HCN1: variants seen among roughly 807,000 people sequenced by gnomAD.
HCN1 encodes hyperpolarization activated cyclic nucleotide gated potassium channel 1, also known as potassium/sodium hyperpolarization-activated cyclic nucleotide-gated channel 1.
HCN1 carries 13 observed loss-of-function variants against 78.9 expected under a neutral mutation model. The observed-to-expected ratio is 0.16, with a 90% CI of 0.11 to 0.26. The LOEUF is 0.26. HCN1 is among the 10% of genes least tolerant of loss of function. The pLI is 1.00. For synonymous variants in HCN1, 552 were observed against 455.5 expected (o/e 1.21, Z -2.70); for missense variants, 810 against 1,154.3 (o/e 0.70, Z 4.32).
chr5:45,643,979 T>C (rs1745501348), intron 2 of HCN1: 1 of 152,140 alleles, frequency 6.6e-6, no homozygotes, highest in African/African-American at 2.4e-5. Flanking sequence ...ATATATCCCA[T>C]ATCTATATTT....
At chr5:45,640,785 G>A (rs1431136456) in intron 2 of HCN1, among the ~76,000 whole-genome samples, 1 of 151,022 alleles carries the variant, frequency 6.6e-6, no homozygotes, top group Non-Finnish European at 1.5e-5. Context: ...ATGTTGGCCA[G>A]GCTGGTCTCG....
intron 1 of HCN1, among the ~76,000 whole-genome samples, chr5:45,647,458 C>T (rs1321622999): frequency 6.6e-6 from 1 of 152,112 alleles, no homozygotes; most frequent in East Asian, 1.9e-4. Context: ...TCTCTCTGCC[C>T]TCCCCTTCAA....
chr5:45,484,143 A>G (rs1741712186), intron 2 of HCN1, among the ~76,000 whole-genome samples: 1 of 152,152 alleles, frequency 6.6e-6, no homozygotes, highest in African/African-American at 2.4e-5. Context: ...TAAAGACTCT[A>G]AAAACTTGGC....
At chr5:45,672,408 T>A (rs1746168298) in intron 1 of HCN1, among the ~76,000 whole-genome samples, 1 of 151,496 alleles carries the variant, frequency 6.6e-6, no homozygotes, top group South Asian at 2.1e-4. Context: ...GACAGAAGGA[T>A]GTTTTCAGAT....
At chr5:45,481,753 A>G (rs944839619) in intron 2 of HCN1, among the ~76,000 whole-genome samples, 1 of 152,046 alleles carries the variant, frequency 6.6e-6, no homozygotes, top group Non-Finnish European at 1.5e-5. Context: ...TCCCTTTTGT[A>G]ATCTTTTTCT....
intron 1 of HCN1, among the ~76,000 whole-genome samples, chr5:45,693,555 T>C (rs1739953561): frequency 6.6e-6 from 1 of 152,154 alleles, no homozygotes; most frequent in Non-Finnish European, 1.5e-5. Context: ...ATAATAAAAT[T>C]AAATCATCAC....
intron 2 of HCN1, among the ~76,000 whole-genome samples, chr5:45,583,132 T>C (rs1744121762): frequency 6.6e-6 from 1 of 152,178 alleles, no homozygotes; most frequent in South Asian, 2.1e-4. Flanking sequence ...CTGGTAGAAT[T>C]TGGCTGTGAA....
Position 45,695,656 on chromosome 5 carries a change from C to CGG in HCN1, c.425+11_425+12dup. 1 of 1,610,192 alleles carries CGG rather than the reference C, an allele frequency of 6.2e-7. No homozygotes were observed. The stretch of plus-strand genomic sequence containing the variant: ...CCTGAAGGGAGGGTGGGGCGGCGAC[C>CGG]GGGAGCCCTCACCTGAAATCACTGT... On this transcript the variant is annotated intron_variant, in intron 1 of 7. Coordinates refer to ENST00000303230, the MANE Select transcript of HCN1 (RefSeq NM_021072.4).
At chr5:45,423,742 A>T (rs1000706311) in intron 3 of HCN1, among the ~76,000 whole-genome samples, 7 of 152,208 alleles carry the variant, frequency 4.6e-5, no homozygotes, top group African/African-American at 1.7e-4. Context: ...GACTTCTCGC[A>T]GTGCCTACCT....
In HCN1 at chr5:45,695,870, T is replaced by TCGC. The variant is rs747975797; in HGVS notation, c.221_223dup (p.Gly74dup). ...GTCTTCGAAGCCCCCCGCCGGCTCC[T>TCGC]CGCCGCCGCCGCCGCCGCCGCCACC... On this transcript the variant is annotated inframe_insertion, in exon 1 of 8. Transcript: ENST00000303230. 348 of 1,563,444 alleles carry TCGC rather than the reference T, an allele frequency of 2.2e-4. No individual in the cohort carries two copies. Among genetic ancestry groups the TCGC allele is most frequent in the South Asian group, 5.9e-4 (51 of 86,484 alleles).
At chr5:45,691,843 G>A (rs917543471) in intron 1 of HCN1, among the ~76,000 whole-genome samples, 1 of 152,142 alleles carries the variant, frequency 6.6e-6, no homozygotes, top group Non-Finnish European at 1.5e-5. Flanking sequence ...AGTTGTGGCT[G>A]CAATTCAAAG....
chr5:45,496,205 A>C (rs1384243349), intron 2 of HCN1, among the ~76,000 whole-genome samples: 1 of 152,126 alleles, frequency 6.6e-6, no homozygotes, highest in Non-Finnish European at 1.5e-5. Context: ...CCTGTGGTAG[A>C]ATTTGGCTGT....
At chr5:45,441,659 T>A (rs1346193145) in intron 3 of HCN1, among the ~76,000 whole-genome samples, 1 of 152,214 alleles carries the variant, frequency 6.6e-6, no homozygotes, top group Non-Finnish European at 1.5e-5. Flanking sequence ...ACATGTGGAT[T>A]AAGAAATTAA....
chr5:45,591,996 T>C (rs182287517), intron 2 of HCN1, among the ~76,000 whole-genome samples: 1 of 132,182 alleles, frequency 7.6e-6, no homozygotes, highest in East Asian at 2.0e-4. Flanking sequence ...AGATAGATTA[T>C]TTTTTTTTTT....
intron 4 of HCN1, among the ~76,000 whole-genome samples, chr5:45,379,272 C>T (rs1747755629): frequency 1.3e-5 from 2 of 152,130 alleles, no homozygotes; most frequent in African/African-American, 4.8e-5. Context: ...TCCACATCCT[C>T]TCTAGCACCT....
chr5:45,609,602 C>A lies in HCN1; in HGVS notation c.849+35583G>T, dbSNP rs186238301. On this transcript the variant is annotated intron_variant, in intron 2 of 7. Coordinates refer to ENST00000303230, the MANE Select transcript of HCN1 (RefSeq NM_021072.4). ...CTTAAAAAGAATCCAACTATAATAG[C>A]TACAACATCATTTCTACCTTGACTG... Among the ~76,000 whole-genome samples the A allele has an allele frequency of 5.2e-4, 79 of 152,164 alleles. 1 individual carries two copies. Among genetic ancestry groups the A allele is most frequent in the East Asian group, 1.9e-4 (1 of 5,182 alleles).
chr5:45,608,924 G>C (rs577681288), intron 2 of HCN1, among the ~76,000 whole-genome samples: 2 of 151,828 alleles, frequency 1.3e-5, no homozygotes, highest in Non-Finnish European at 2.9e-5. Flanking sequence ...ATCAGTAGAA[G>C]AAAAAAATGG....
At chr5:45,690,841 G>C (rs1739896358) in intron 1 of HCN1, among the ~76,000 whole-genome samples, 1 of 151,934 alleles carries the variant, frequency 6.6e-6, no homozygotes, top group Non-Finnish European at 1.5e-5. Flanking sequence ...CTAATGATCT[G>C]CAATAATTTG....
In HCN1 at chr5:45,483,251, C is replaced by T. The variant is rs189548069; in HGVS notation, c.850-21244G>A. 2.9e-3 allele frequency among the ~76,000 whole-genome samples: 443 copies of T among 152,258 alleles called. 1 individual carries two copies. The highest frequency in any genetic ancestry group is 4.8e-3 in the Non-Finnish European group (325 of 68,008). On this transcript the variant is annotated intron_variant, in intron 2 of 7. Transcript: ENST00000303230. Reference sequence around the variant, plus strand: ...ATAATGTATAAGCGCTACCCTTTTTCCATAGCTTTGCCAGCATCTTTTGTT... The same window carrying T: ...ATAATGTATAAGCGCTACCCTTTTTTCATAGCTTTGCCAGCATCTTTTGTT...
Sources: allele counts gnomAD v4.1 joint callset (sites outside exome capture counted in the v4.1 genomes callset), GRCh38; gene constraint gnomAD v4.1.1; transcripts MANE v1.5; gene names NCBI Gene and HGNC (gene_info 2026-07-23, HGNC 2026-07-21).